SLIT3: variants seen among roughly 807,000 people sequenced by gnomAD.
SLIT3 encodes slit homolog 3 protein.
SLIT3 carries 68 observed loss-of-function variants against 184.0 expected under a neutral mutation model. That is an observed-to-expected ratio of 0.37 (90% CI 0.30 to 0.45). The LOEUF is 0.45. SLIT3 is among the 20% of genes least tolerant of loss of function. The pLI, the probability that SLIT3 is intolerant of heterozygous loss-of-function variation, is 1.00. For synonymous variants in SLIT3, 831 were observed against 828.6 expected, an observed-to-expected ratio of 1.00 and a Z score of -0.05; for missense variants, 1,707 against 2,026.0, an observed-to-expected ratio of 0.84 and a Z score of 3.02.
At chr5:169,146,114 A>G (rs921697226) in intron 4 of SLIT3, among the ~76,000 whole-genome samples, 2 of 152,250 alleles carry the variant, frequency 1.3e-5, no homozygotes, top group Admixed American at 1.3e-4. Flanking sequence ...TGATTCTTAC[A>G]AGAACCTCAT....
intron 4 of SLIT3, among the ~76,000 whole-genome samples, chr5:169,033,147 C>G (rs1757100640): frequency 6.7e-6 from 1 of 149,176 alleles, no homozygotes; most frequent in Non-Finnish European, 1.5e-5. Context: ...TATTTCTGTA[C>G]AGTTGGGTTT....
At chr5:168,736,224 T>C (rs1391173086) in intron 20 of SLIT3, among the ~76,000 whole-genome samples, 1 of 152,154 alleles carries the variant, frequency 6.6e-6, no homozygotes, top group African/African-American at 2.4e-5. Flanking sequence ...CCTTCTCAGC[T>C]CTCGGCCTGT....
chr5:168,868,609 G>A (rs1009380979), intron 5 of SLIT3, among the ~76,000 whole-genome samples: 34 of 152,010 alleles, frequency 2.2e-4, no homozygotes, highest in African/African-American at 7.0e-4. Flanking sequence ...TTAGCTGGCC[G>A]TGGTGGCGGG....
chr5:169,175,756 T>A (rs1283082940), intron 4 of SLIT3, among the ~76,000 whole-genome samples: 1 of 152,200 alleles, frequency 6.6e-6, no homozygotes, highest in African/African-American at 2.4e-5. Context: ...CTGCAGGCCT[T>A]TCCTACACAC....
chr5:169,060,194 A>C (rs929077587), intron 4 of SLIT3, among the ~76,000 whole-genome samples: 3 of 152,224 alleles, frequency 2.0e-5, no homozygotes, highest in African/African-American at 4.8e-5. Flanking sequence ...GCTCAAGACC[A>C]GCTTGGTCAA....
Position 168,748,192 on chromosome 5 carries a change from C to T in SLIT3, c.2270+110G>A, listed in dbSNP as rs1581034175. On this transcript the variant is annotated intron_variant, in intron 20 of 35. Coordinates refer to ENST00000519560, the MANE Select transcript of SLIT3 (RefSeq NM_003062.4). The stretch of plus-strand genomic sequence containing the variant: ...GCTGGGATCCATTCAAGTAGGGTCT[C>T]CCCCCGGCAGTTTCGCCATGTTGCC... 2.4e-6 allele frequency: 3 copies of T among 1,260,454 alleles called. No homozygotes were observed. The South Asian group carries it at 6.0e-5, about 25-fold the overall frequency. 78.1% of individuals were successfully genotyped at this position (1,260,454 alleles called of 1,614,324 possible).
At position 169,193,494 on chromosome 5, in the gene SLIT3, G is replaced by A. The variant is rs756173736; in HGVS notation, c.398C>T (p.Pro133Leu). 1.4e-5 allele frequency: 22 copies of A among 1,613,854 alleles called. No homozygotes were observed. In the Admixed American group the frequency reaches 1.7e-4, roughly 12 times the overall value. Residue 133 changes from proline to leucine, a missense_variant, in exon 4 of 36, where the codon CCG (proline) becomes CTG (leucine). Transcript: ENST00000519560. ...CTCTACTCACAGTCTGGTGAGCTTCGGCGTGCTCTGGAAAAGCAATTCTGG... is the reference window on the plus strand; with the variant it reads ...CTCTACTCACAGTCTGGTGAGCTTCAGCGTGCTCTGGAAAAGCAATTCTGG... ...VLPELLFQST[P>L]KLTRLDLSEN... is the part of the protein sequence containing the mutation.
rs145072343 is a variant in SLIT3 at position 168,857,228 on chromosome 5, G to C, written c.486-12573C>G. On this transcript the variant is annotated intron_variant, in intron 5 of 35. Coordinates refer to ENST00000519560, the MANE Select transcript of SLIT3 (RefSeq NM_003062.4). ...TTAATTGGCTGAAGAAATTTCTGAAGAAATTTCTAATTCCTTCCCTGATTC... is the reference window on the plus strand; with the variant it reads ...TTAATTGGCTGAAGAAATTTCTGAACAAATTTCTAATTCCTTCCCTGATTC... Among the ~76,000 whole-genome samples, 89 of 152,252 alleles carry C rather than the reference G, an allele frequency of 5.8e-4. No homozygotes were observed. In the East Asian group the frequency reaches 0.016, roughly 28 times the overall value.
chr5:169,044,599 T>TGGGG (rs1581345949), intron 4 of SLIT3, among the ~76,000 whole-genome samples: 1 of 100,694 alleles, frequency 9.9e-6, no homozygotes, highest in African/African-American at 3.9e-5. Flanking sequence ...GGGGGGGGGA[T>TGGGG]GGGGAGAAAT....
intron 5 of SLIT3, among the ~76,000 whole-genome samples, chr5:168,852,317 TG>T (rs1758710517): frequency 6.6e-6 from 1 of 152,248 alleles, no homozygotes; most frequent in Non-Finnish European, 1.5e-5. Context: ...CAGCACAAAC[TG>T]TAGTGAGGTA....
At chr5:168,796,358 C>T (rs1756564827) in intron 9 of SLIT3, among the ~76,000 whole-genome samples, 1 of 152,202 alleles carries the variant, frequency 6.6e-6, no homozygotes, top group African/African-American at 2.4e-5. Context: ...ATTCTTTATT[C>T]TTTCATCTCT....
intron 12 of SLIT3, among the ~76,000 whole-genome samples, chr5:168,776,540 CAT>C (rs1370034033): frequency 6.6e-6 from 1 of 152,176 alleles, no homozygotes; most frequent in Non-Finnish European, 1.5e-5. Flanking sequence ...CAAGGTCACA[CAT>C]GTTTCTAGGG....
Position 168,669,353 on chromosome 5 carries a change from G to A in SLIT3, c.4336+430C>T, listed in dbSNP as rs114334381. Reference sequence around the variant, plus strand: ...GAGCCTGTGTAGTGACTCATGCAGGGCAGAACTGGGACCTCCCGCCAACAC... The same window carrying A: ...GAGCCTGTGTAGTGACTCATGCAGGACAGAACTGGGACCTCCCGCCAACAC... On this transcript the variant is annotated intron_variant, in intron 35 of 35. Transcript: ENST00000519560. Among the ~76,000 whole-genome samples, 1,165 of 152,282 alleles carry A rather than the reference G, an allele frequency of 7.7e-3. 22 individuals carry two copies. Among genetic ancestry groups the A allele is most frequent in the African/African-American group, 0.027 (1,106 of 41,550 alleles).
At chr5:169,063,236 G>A (rs999578219) in intron 4 of SLIT3, among the ~76,000 whole-genome samples, 3 of 152,132 alleles carry the variant, frequency 2.0e-5, no homozygotes, top group Non-Finnish European at 4.4e-5. Context: ...CATGATTCAG[G>A]GCAGACTTTC....
chr5:168,778,898 G>A (rs949060610), intron 12 of SLIT3, among the ~76,000 whole-genome samples: 6 of 152,158 alleles, frequency 3.9e-5, no homozygotes, highest in African/African-American at 1.4e-4. Context: ...TGTATTCATC[G>A]GTATTTCCCC....
intron 4 of SLIT3, among the ~76,000 whole-genome samples, chr5:168,972,931 C>T (rs778860528): frequency 2.6e-5 from 4 of 152,184 alleles, no homozygotes; most frequent in Non-Finnish European, 2.9e-5. Flanking sequence ...CACATGGATT[C>T]TTTTCCTCTT....
chr5:168,930,914 A>G (rs749900777), intron 4 of SLIT3, among the ~76,000 whole-genome samples: 13 of 152,208 alleles, frequency 8.5e-5, no homozygotes, highest in Non-Finnish European at 1.8e-4. Context: ...TTTTGGACCC[A>G]GTGAAGATGA....
chr5:169,029,402 C>A (rs1424851987), intron 4 of SLIT3, among the ~76,000 whole-genome samples: 1 of 152,214 alleles, frequency 6.6e-6, no homozygotes, highest in African/African-American at 2.4e-5. Context: ...GTTAGAAATG[C>A]AAATTTTGGG....
intron 4 of SLIT3, among the ~76,000 whole-genome samples, chr5:168,939,512 A>G (rs572043641): frequency 1.3e-5 from 2 of 152,370 alleles, no homozygotes; most frequent in East Asian, 3.9e-4. Flanking sequence ...TAATGCAAAC[A>G]AGATAGAGGA....
Sources: gnomAD v4.1 joint callset for allele counts (sites outside exome capture counted in the v4.1 genomes callset) on GRCh38, gnomAD v4.1.1 for gene constraint, MANE v1.5 for transcripts, NCBI Gene and HGNC (gene_info 2026-07-23, HGNC 2026-07-21) for gene names.